Variants in INTS8 observed in about 807,000 individuals in gnomAD.
INTS8 encodes the protein protein kaonashi-1.
A neutral mutation model predicts 138.9 loss-of-function variants in INTS8; 47 were observed. That is an observed-to-expected ratio of 0.34 (90% CI 0.27 to 0.43). INTS8 has a LOEUF of 0.43. Ranked by LOEUF, INTS8 falls within the 20% of genes least tolerant of loss-of-function variation. The pLI, the probability that INTS8 is intolerant of heterozygous loss-of-function variation, is 1.00. For synonymous variants in INTS8, 392 were observed against 400.9 expected, an observed-to-expected ratio of 0.98 and a Z score of 0.27; for missense variants, 996 against 1,173.0, an observed-to-expected ratio of 0.85 and a Z score of 2.20.
chr8:94,837,451 A>G (rs992454095), intron 7 of INTS8, among the ~76,000 whole-genome samples: 1 of 152,174 alleles, frequency 6.6e-6, no homozygotes, highest in Admixed American at 6.5e-5. Context: ...TGACTATTCT[A>G]GATAGACCCA....
intron 20 of INTS8, 128 bp from the exon 21 acceptor site, chr8:94,871,756 C>T (rs1816405281): frequency 3.1e-6 from 2 of 644,542 alleles, no homozygotes; most frequent in Admixed American, 3.0e-5. Flanking sequence ...TACATTTACT[C>T]CTAGTATTTA....
chr8:94,838,676 A>G (rs1015997029), intron 8 of INTS8, 58 bp downstream of exon 8: 15 of 1,413,692 alleles, frequency 1.1e-5, no homozygotes, highest in Non-Finnish European at 1.5e-5. Flanking sequence ...ACTAAGTTCA[A>G]ATCCTCGCAC....
At chr8:94,854,126 G>A (rs1374986323) in intron 14 of INTS8, among the ~76,000 whole-genome samples, 1 of 147,830 alleles carries the variant, frequency 6.8e-6, no homozygotes, top group Non-Finnish European at 1.5e-5. Context: ...GGAGTCTGAG[G>A]CAGGAGAATC....
intron 9 of INTS8, 23 bp from the exon 10 acceptor site, chr8:94,842,324 T>C (rs1815166041): frequency 6.7e-7 from 1 of 1,488,962 alleles, no homozygotes; most frequent in Non-Finnish European, 9.2e-7. Context: ...TAACATTAGT[T>C]GATCTACTTT....
chr8:94,845,759 C>G (rs1251787938), intron 10 of INTS8, among the ~76,000 whole-genome samples: 3 of 152,220 alleles, frequency 2.0e-5, no homozygotes, highest in African/African-American at 7.2e-5. Context: ...CCACGCCCGG[C>G]AGTCCTTTGC....
At chr8:94,841,944 C>T (rs947517349) in intron 9 of INTS8, among the ~76,000 whole-genome samples, 1 of 152,028 alleles carries the variant, frequency 6.6e-6, no homozygotes, top group Non-Finnish European at 1.5e-5. Flanking sequence ...TGGTGCACAC[C>T]TGTAGTCCCA....
chr8:94,853,303 C>T (rs1815619814), intron 13 of INTS8, among the ~76,000 whole-genome samples: 1 of 152,098 alleles, frequency 6.6e-6, no homozygotes. Flanking sequence ...CGGAGCGAGA[C>T]TCTATCTCAA....
Position 94,871,934 on chromosome 8 carries a change from T to C in INTS8, c.2465T>C (p.Val822Ala). 1 of 1,610,648 alleles carries C rather than the reference T, an allele frequency of 6.2e-7. No homozygotes were observed. Among genetic ancestry groups the C allele is most frequent in the Non-Finnish European group, 8.5e-7 (1 of 1,177,298 alleles). The change falls in exon 21 of 27, where the codon GTT becomes GCT. Residue 822 changes from valine (V) to alanine (A), a missense_variant. Coordinates refer to ENST00000523731, the MANE Select transcript of INTS8 (RefSeq NM_017864.4). ...GTGGCAATCACAGTGAAAGAGCTAGTTCGATATACACTCAGTATAAATCCA... is the reference window on the plus strand; with the variant it reads ...GTGGCAATCACAGTGAAAGAGCTAGCTCGATATACACTCAGTATAAATCCA... ...EAVAITVKEL[V>A]RYTLSINPNN...
chr8:94,851,240 C>G (rs1353716254), intron 12 of INTS8, among the ~76,000 whole-genome samples: 1 of 152,100 alleles, frequency 6.6e-6, no homozygotes. Context: ...GTGTATAAGT[C>G]TGTAAGTTAA....
In INTS8 at chr8:94,842,591, C is replaced by T. The variant is rs146717298; in HGVS notation, c.1260+103C>T. Reference sequence around the variant, plus strand: ...AGTTCCTTTTTTCCTGTCTGCCTTGCGTTTCTGTGCCTGACAATTGGCACT... The same window carrying T: ...AGTTCCTTTTTTCCTGTCTGCCTTGTGTTTCTGTGCCTGACAATTGGCACT... On this transcript the variant is annotated intron_variant, in intron 10 of 26. Coordinates refer to ENST00000523731, the MANE Select transcript of INTS8 (RefSeq NM_017864.4). The T allele has an allele frequency of 1.8e-5, 16 of 911,716 alleles. No individual in the cohort carries two copies. In the East Asian group the frequency reaches 2.3e-4, roughly 13 times the overall value. The allele number at this position is 911,716 out of a possible 1,614,324, so 56.5% of individuals were successfully genotyped here.
At chr8:94,827,900 G>A in intron 4 of INTS8, 107 bp downstream of exon 4, 1 of 938,162 alleles carries the variant, frequency 1.1e-6, no homozygotes, top group Non-Finnish European at 1.7e-6. Context: ...AGCAGGAATA[G>A]GAGGGCAGAA....
intron 26 of INTS8, 147 bp from the exon 27 acceptor site, chr8:94,879,971 T>C: frequency 1.8e-6 from 1 of 550,816 alleles, no homozygotes; most frequent in South Asian, 2.8e-5. Flanking sequence ...TTAATTTTTT[T>C]CCAAGACTCC....
In INTS8 at chr8:94,874,561, C is replaced by A; in HGVS notation, c.2647C>A (p.Arg883=). The part of the protein sequence containing the change: ...PDVYTDQVIK[R]MIKCCSLLNC... ...AATTTTGCTTTTGTAGGTAATAAAA[C>A]GAATGATAAAATGTTGTTCTTTGCT... The change falls in exon 23 of 27, where the codon CGA becomes AGA. Residue 883 remains arginine, a synonymous_variant. Transcript: ENST00000523731. 1 of 1,573,872 alleles carries A rather than the reference C, an allele frequency of 6.4e-7. No individual in the cohort carries two copies. Among genetic ancestry groups the A allele is most frequent in the Non-Finnish European group, 8.7e-7 (1 of 1,144,576 alleles).
intron 2 of INTS8, 33 bp from the exon 3 acceptor site, chr8:94,827,230 A>G (rs1362639811): frequency 6.3e-7 from 1 of 1,595,090 alleles, no homozygotes; most frequent in Non-Finnish European, 8.6e-7. Flanking sequence ...TTTCACAATT[A>G]ATGTGCAAAC....
At chr8:94,876,375 C>A in intron 25 of INTS8, 71 bp from the exon 26 acceptor site, 1 of 1,428,924 alleles carries the variant, frequency 7.0e-7, no homozygotes, top group Non-Finnish European at 9.7e-7. Context: ...CAAATCAAAA[C>A]TGAAAATGAG....
rs58388097 is a variant in INTS8 at position 94,848,013 on chromosome 8, C to CTTTTTTTTTTTTTTTTTTT, written c.1261-1436_1261-1435insTTTTTTTTTTTTTTTTTTT. The stretch of plus-strand genomic sequence containing the variant: ...TGAACATAGCACTTTTAAAACACTG[C>CTTTTTTTTTTTTTTTTTTT]TTTTTTTTTTTTTGAGATGGAGTCT... On this transcript the variant is annotated intron_variant, in intron 10 of 26. Transcript: ENST00000523731. 3.5e-3 allele frequency among the ~76,000 whole-genome samples: 453 copies of CTTTTTTTTTTTTTTTTTTT among 129,738 alleles called. 24 individuals are homozygous for CTTTTTTTTTTTTTTTTTTT. The highest frequency in any genetic ancestry group is 4.8e-3 in the Non-Finnish European group (289 of 60,328). 85.1% of individuals were successfully genotyped at this position (129,738 alleles called of 152,430 possible).
At chr8:94,859,211 C>T (rs1169751411) in intron 15 of INTS8, among the ~76,000 whole-genome samples, 19 of 151,734 alleles carry the variant, frequency 1.3e-4, no homozygotes, top group African/African-American at 4.6e-4. Flanking sequence ...AGCCTGGGAG[C>T]TCAAGGCTGC....
intron 7 of INTS8, among the ~76,000 whole-genome samples, 183 bp from the exon 8 acceptor site, chr8:94,838,280 G>A (rs957238067): frequency 6.6e-5 from 10 of 152,056 alleles, no homozygotes; most frequent in African/African-American, 2.2e-4. Context: ...TCGAACTCCC[G>A]ACCTTGTGAT....
At chr8:94,838,376 C>G in intron 7 of INTS8, 87 bp from the exon 8 acceptor site, 1 of 1,177,024 alleles carries the variant, frequency 8.5e-7, no homozygotes, top group East Asian at 2.4e-5. Flanking sequence ...TTAGCATTTC[C>G]TTGTACTGTT....
Sources: gnomAD v4.1 joint callset for allele counts (sites outside exome capture counted in the v4.1 genomes callset) on GRCh38, gnomAD v4.1.1 for gene constraint, MANE v1.5 for transcripts, NCBI Gene and HGNC (gene_info 2026-07-23, HGNC 2026-07-21) for gene names.